The following GRM8 variants were observed in gnomAD, a reference collection of about 807,000 sequenced individuals.
The protein encoded by GRM8 is metabotropic glutamate receptor 8.
GRM8 carries 47 observed loss-of-function variants against 87.2 expected under a neutral mutation model. The observed-to-expected ratio is 0.54, with a 90% CI of 0.43 to 0.69. The LOEUF (loss-of-function observed/expected upper bound fraction) is 0.69, where lower values mean the gene tolerates loss of function less well. Among genes scored for constraint, GRM8 ranks in the 30% least tolerant of loss-of-function variants. The pLI is 0.00. For synonymous variants in GRM8, 396 were observed against 404.5 expected (o/e 0.98, Z 0.25); for missense variants, 1,019 against 1,139.2 (o/e 0.89, Z 1.52).
intron 7 of GRM8, among the ~76,000 whole-genome samples, chr7:126,731,950 AAT>A (rs1813642748): frequency 6.6e-6 from 1 of 151,994 alleles, no homozygotes; most frequent in Non-Finnish European, 1.5e-5. Context: ...TCTAACAGAT[AAT>A]ATATATTTTC....
intron 8 of GRM8, among the ~76,000 whole-genome samples, chr7:126,602,284 T>C (rs1472639163): frequency 2.0e-5 from 3 of 146,764 alleles, no homozygotes; most frequent in Non-Finnish European, 4.5e-5. Flanking sequence ...TCTGTTCCAT[T>C]GATCTATATC....
At chr7:126,468,818 T>C (rs896016646) in intron 9 of GRM8, among the ~76,000 whole-genome samples, 4 of 152,126 alleles carry the variant, frequency 2.6e-5, no homozygotes, top group Non-Finnish European at 5.9e-5. Context: ...CAAGTGAATC[T>C]CAGGCAGCAT....
chr7:126,533,461 C>T lies in GRM8; in HGVS notation c.1921G>A (p.Ala641Thr), dbSNP rs1815171068. Residue 641 changes from alanine (A) to threonine (T), a missense_variant, in exon 9 of 11, where the codon GCA (alanine) becomes ACA (threonine). Physicochemically the swap from Ala to Thr is moderately conservative, Grantham distance 58 (BLOSUM62 0). Coordinates refer to ENST00000339582, the MANE Select transcript of GRM8 (RefSeq NM_000845.3). ...LCYSITFLMIAAPDTIICSFR... is the reference protein window; with the variant it reads ...LCYSITFLMITAPDTIICSFR... ...GAGCATATGATTGTATCTGGTGCTG[C>T]AATCATTAAAAACGTGATTGAATAA... 1 of 1,614,006 alleles carries T rather than the reference C, an allele frequency of 6.2e-7. No individual in the cohort carries two copies. The highest frequency in any genetic ancestry group is 8.5e-7 in the Non-Finnish European group (1 of 1,180,000).
intron 3 of GRM8, among the ~76,000 whole-genome samples, chr7:126,923,631 A>T (rs888085641): frequency 1.3e-5 from 2 of 152,176 alleles, no homozygotes; most frequent in African/African-American, 4.8e-5. Context: ...GGCTTCAGAG[A>T]ACAGGGAAAC....
chr7:127,224,599 GA>G (rs1233644883), intron 2 of GRM8, among the ~76,000 whole-genome samples: 1 of 152,106 alleles, frequency 6.6e-6, no homozygotes, highest in East Asian at 1.9e-4. Context: ...CATCAGGAAG[GA>G]AGAAAAAAAC....
intron 3 of GRM8, among the ~76,000 whole-genome samples, chr7:127,037,863 GT>G (rs1440015562): frequency 2.0e-5 from 3 of 146,436 alleles, no homozygotes; most frequent in African/African-American, 7.5e-5. Flanking sequence ...GTGTGTGTGT[GT>G]TTAGTTACAC....
intron 6 of GRM8, among the ~76,000 whole-genome samples, chr7:126,813,505 C>T (rs1793492665): frequency 6.6e-6 from 1 of 152,084 alleles, no homozygotes; most frequent in African/African-American, 2.4e-5. Flanking sequence ...AACAAAATTT[C>T]TCTATAAAAC....
chr7:126,528,638 GTGTGTGTGTT>G (rs1342878549), intron 9 of GRM8, among the ~76,000 whole-genome samples: 4 of 151,928 alleles, frequency 2.6e-5, no homozygotes, highest in Non-Finnish European at 5.9e-5. Context: ...GTGTGTGTGT[GTGTGTGTGTT>G]TGTATTTATT....
chr7:126,816,004 T>TTATATA (rs143861156), intron 6 of GRM8, among the ~76,000 whole-genome samples: 13 of 150,388 alleles, frequency 8.6e-5, no homozygotes, highest in African/African-American at 2.7e-4. Context: ...GGCCAGATTT[T>TTATATA]TATATATATA....
chr7:126,753,409 GAC>G (rs1004474270), intron 7 of GRM8, among the ~76,000 whole-genome samples: 8 of 150,820 alleles, frequency 5.3e-5, no homozygotes, highest in African/African-American at 1.7e-4. Flanking sequence ...TAGATAGATA[GAC>G]ACACGTATAT....
chr7:126,734,386 A>G (rs1813957075), intron 7 of GRM8, among the ~76,000 whole-genome samples: 1 of 151,914 alleles, frequency 6.6e-6, no homozygotes, highest in African/African-American at 2.4e-5. Flanking sequence ...TCATGGCAAT[A>G]TTTTAAATAA....
intron 5 of GRM8, among the ~76,000 whole-genome samples, chr7:126,903,030 C>T (rs1338370460): frequency 6.6e-5 from 10 of 152,196 alleles, no homozygotes; most frequent in Admixed American, 1.3e-4. Context: ...TAGAACCCAA[C>T]TTAAACTTGC....
chr7:126,751,043 A>AC (rs3038863), intron 7 of GRM8, among the ~76,000 whole-genome samples: 1 of 151,478 alleles, frequency 6.6e-6, no homozygotes, highest in Admixed American at 6.6e-5. Flanking sequence ...TCCCTACTTT[A>AC]TATTATTTTG....
intron 6 of GRM8, among the ~76,000 whole-genome samples, chr7:126,873,036 C>T (rs181948649): frequency 6.6e-6 from 1 of 152,170 alleles, no homozygotes; most frequent in East Asian, 1.9e-4. Context: ...GGTGTTCATA[C>T]TCTCTACTCC....
chr7:127,225,387 T>G (rs6467114), intron 2 of GRM8, among the ~76,000 whole-genome samples: 34,073 of 152,128 alleles, frequency 0.22, 3,972 homozygotes, highest in Middle Eastern at 0.28. Flanking sequence ...TCAGCTCACC[T>G]TCAGCATGGT....
intron 6 of GRM8, among the ~76,000 whole-genome samples, chr7:126,799,745 T>C (rs948381346): frequency 6.6e-6 from 1 of 152,156 alleles, no homozygotes; most frequent in African/African-American, 2.4e-5. Context: ...GCAGGCATTC[T>C]ATAAATGTGG....
At chr7:126,497,533 A>G (rs995786307) in intron 9 of GRM8, among the ~76,000 whole-genome samples, 1 of 151,964 alleles carries the variant, frequency 6.6e-6, no homozygotes, top group Non-Finnish European at 1.5e-5. Context: ...TCGAAATAAT[A>G]TTAGATGGTC....
At chr7:127,133,446 A>G (rs11760208) in intron 2 of GRM8, among the ~76,000 whole-genome samples, 24,345 of 151,538 alleles carry the variant, frequency 0.16, 2,234 homozygotes, top group Non-Finnish European at 0.21. Flanking sequence ...GTCTCTAAAA[A>G]AGCAAACAAA....
intron 7 of GRM8, among the ~76,000 whole-genome samples, chr7:126,759,197 CCT>C (rs1427730752): frequency 6.6e-6 from 1 of 151,730 alleles, no homozygotes; most frequent in African/African-American, 2.4e-5. Flanking sequence ...GCGCCCAGCC[CCT>C]GTCCCTCACT....
Sources: gnomAD v4.1 joint callset for allele counts (sites outside exome capture counted in the v4.1 genomes callset) on GRCh38, gnomAD v4.1.1 for gene constraint, MANE v1.5 for transcripts, NCBI Gene and HGNC (gene_info 2026-07-23, HGNC 2026-07-21) for gene names.